Variants in RFC3 observed in about 807,000 individuals in gnomAD.
RFC3 encodes replication factor C subunit 3, also known as A1 38 kDa subunit.
Under a neutral mutation model 45.1 loss-of-function variants are expected in RFC3, and 41 were observed. That is an observed-to-expected ratio of 0.91 (90% CI 0.71 to 1.18). The LOEUF (loss-of-function observed/expected upper bound fraction) is 1.18, where lower values mean the gene tolerates loss of function less well. RFC3 is among the 50% of genes most tolerant of loss of function. The pLI is 0.00. For missense variants in RFC3, 423 were observed against 428.1 expected (o/e 0.99, Z 0.10); for synonymous variants, 149 against 144.0 (o/e 1.03, Z -0.25).
chr13:33,925,033 T>TATATATAGTGTACATATATATATACAC (rs1566030456), intron 8 of RFC3, among the ~76,000 whole-genome samples: 3 of 149,382 alleles, frequency 2.0e-5, no homozygotes, highest in Non-Finnish European at 3.0e-5. Flanking sequence ...TATATATACA[T>TATATATAGTGTACATATATATATACAC]ATATATAGTG....
At chr13:33,949,086 C>T (rs2082972597) in intron 8 of RFC3, among the ~76,000 whole-genome samples, 2 of 151,904 alleles carry the variant, frequency 1.3e-5, no homozygotes, top group Non-Finnish European at 1.5e-5. Context: ...TCTCTGTGTC[C>T]CCATCCAAAT....
the RFC3 span, among the ~76,000 whole-genome samples, chr13:33,972,042 G>A: frequency 6.6e-6 from 1 of 152,136 alleles, no homozygotes; most frequent in Non-Finnish European, 1.5e-5. Context: ...TTGAACCTGG[G>A]CAATGGAGGT....
At chr13:33,936,285 G>T (rs557262737) in intron 8 of RFC3, among the ~76,000 whole-genome samples, 3 of 152,186 alleles carry the variant, frequency 2.0e-5, no homozygotes, top group African/African-American at 7.2e-5. Context: ...AGACAAGACC[G>T]TTAACCCCTA....
intron 8 of RFC3, among the ~76,000 whole-genome samples, chr13:33,886,881 G>A (rs1243517401): frequency 2.0e-5 from 3 of 147,656 alleles, no homozygotes; most frequent in African/African-American, 5.0e-5. Context: ...GAGAATATGC[G>A]GTGTTTGGTT....
intron 8 of RFC3, among the ~76,000 whole-genome samples, chr13:33,954,688 GC>G (rs1330668077): frequency 6.6e-6 from 1 of 152,256 alleles, no homozygotes; most frequent in Non-Finnish European, 1.5e-5. Flanking sequence ...TTTGTAGACA[GC>G]CATCTTCTGG....
chr13:33,840,252 A>G (rs1420255513), downstream of RFC3, among the ~76,000 whole-genome samples: 2 of 152,196 alleles, frequency 1.3e-5, no homozygotes, highest in Non-Finnish European at 2.9e-5. Context: ...TGCATAAGTC[A>G]CAGAGTCTCT....
chr13:33,941,295 G>T (rs373745087), intron 8 of RFC3, among the ~76,000 whole-genome samples: 1 of 151,468 alleles, frequency 6.6e-6, no homozygotes, highest in Non-Finnish European at 1.5e-5. Flanking sequence ...ATGTGTCTGC[G>T]CACCTAATCC....
chr13:33,946,479 T>G (rs1371621691), intron 8 of RFC3, among the ~76,000 whole-genome samples: 1 of 152,156 alleles, frequency 6.6e-6, no homozygotes, highest in Non-Finnish European at 1.5e-5. Flanking sequence ...TATTATAAAT[T>G]AAAAATGATA....
chr13:33,886,125 G>A (rs2082520639), intron 8 of RFC3, among the ~76,000 whole-genome samples: 1 of 152,080 alleles, frequency 6.6e-6, no homozygotes, highest in Non-Finnish European at 1.5e-5. Flanking sequence ...ATCGCCTTTT[G>A]ACCACAGAGT....
At chr13:33,906,155 A>G (rs1305535775) in intron 8 of RFC3, among the ~76,000 whole-genome samples, 1 of 152,112 alleles carries the variant, frequency 6.6e-6, no homozygotes, top group Non-Finnish European at 1.5e-5. Flanking sequence ...CTCAAAACAC[A>G]GTTCTTAGGC....
intron 8 of RFC3, among the ~76,000 whole-genome samples, chr13:33,921,471 T>C (rs17080189): frequency 0.19 from 28,436 of 152,120 alleles, 3,714 homozygotes; most frequent in African/African-American, 0.34. Context: ...TCTTGAGTTC[T>C]TGTGCCTACA....
At chr13:33,849,110 CTA>C (rs1409876878) in intron 8 of RFC3, 2 of 152,344 alleles carry the variant, frequency 1.3e-5, no homozygotes, top group Non-Finnish European at 2.9e-5. Context: ...ATAAAATATT[CTA>C]TGTCATGTGT....
chr13:33,869,341 A>G (rs1315829552), intron 8 of RFC3, among the ~76,000 whole-genome samples: 3 of 152,074 alleles, frequency 2.0e-5, no homozygotes, highest in Non-Finnish European at 4.4e-5. Flanking sequence ...TTTGATTTCC[A>G]TCTAGGGACA....
intron 8 of RFC3, among the ~76,000 whole-genome samples, chr13:33,855,358 AT>A: frequency 6.6e-6 from 1 of 152,104 alleles, no homozygotes; most frequent in South Asian, 2.1e-4. Flanking sequence ...TATGTGCCTT[AT>A]TTTCTTTACC....
intron 8 of RFC3, chr13:33,847,022 C>T (rs2082242469): frequency 2.0e-5 from 3 of 152,366 alleles, no homozygotes; most frequent in Non-Finnish European, 2.9e-5. Flanking sequence ...CTACCTCCCT[C>T]TCCCGAGTAG....
At chr13:33,918,406 A>T (rs1251326554) in intron 8 of RFC3, among the ~76,000 whole-genome samples, 6 of 152,074 alleles carry the variant, frequency 3.9e-5, no homozygotes, top group Admixed American at 3.9e-4. Context: ...CAGGGTTGTC[A>T]CTTCTCTGGA....
chr13:33,833,103 A>G (rs2082119108), intron 7 of RFC3, among the ~76,000 whole-genome samples: 1 of 152,186 alleles, frequency 6.6e-6, no homozygotes, highest in Non-Finnish European at 1.5e-5. Context: ...AATTCCAGAA[A>G]GCCTTGGGGC....
At position 33,818,170 on chromosome 13, in the gene RFC3, C is replaced by T; in HGVS notation, c.-9C>T. The T allele has an allele frequency of 1.2e-6, 2 of 1,610,676 alleles. No individual in the cohort carries two copies. The highest frequency in any genetic ancestry group is 8.5e-7 in the Non-Finnish European group (1 of 1,178,462). ...TTTCAAGCGTAGGCCCCCGGGAACT[C>T]GAGCTGCCATGAGCCTCTGGGTGGA... On this transcript the variant is annotated 5_prime_UTR_variant, in exon 1 of 9. Coordinates refer to ENST00000380071, the MANE Select transcript of RFC3 (RefSeq NM_002915.4).
chr13:33,955,919 A>G (rs1401822000), intron 8 of RFC3, among the ~76,000 whole-genome samples: 1 of 151,798 alleles, frequency 6.6e-6, no homozygotes, highest in Non-Finnish European at 1.5e-5. Context: ...CCAAATGTTG[A>G]AGAAGGAGCC....
Sources: allele counts gnomAD v4.1 joint callset (sites outside exome capture counted in the v4.1 genomes callset), GRCh38; gene constraint gnomAD v4.1.1; transcripts MANE v1.5; gene names NCBI Gene and HGNC (gene_info 2026-07-23, HGNC 2026-07-21).